Variants in VDR observed in about 807,000 individuals in gnomAD.
VDR encodes the protein vitamin D receptor, also known as vitamin D3 receptor.
A neutral mutation model predicts 39.7 loss-of-function variants in VDR; 19 were observed. That is an observed-to-expected ratio of 0.48 (90% confidence interval 0.33 to 0.70). The LOEUF is 0.70. Ranked by LOEUF, VDR falls within the 30% of genes least tolerant of loss-of-function variation. VDR has a pLI of 0.02. For synonymous variants in VDR, 242 were observed against 215.8 expected (o/e 1.12, Z -1.07); for missense variants, 442 against 570.5 (o/e 0.77, Z 2.29).
chr12:47,856,158 A>G (rs1253427599), intron 6 of VDR, among the ~76,000 whole-genome samples: 2 of 152,234 alleles, frequency 1.3e-5, no homozygotes, highest in Non-Finnish European at 1.5e-5. Context: ...TAGAACATCT[A>G]TAATTTTCAC....
chr12:47,884,778 G>C (rs1946222677), intron 1 of VDR, among the ~76,000 whole-genome samples: 1 of 152,024 alleles, frequency 6.6e-6, no homozygotes, highest in Non-Finnish European at 1.5e-5. Flanking sequence ...AAGAACCTGG[G>C]GATTGTTCTT....
chr12:47,853,820 G>T (rs1314018196), intron 7 of VDR, among the ~76,000 whole-genome samples: 1 of 152,068 alleles, frequency 6.6e-6, no homozygotes, highest in African/African-American at 2.4e-5. Context: ...TACTTGGGAG[G>T]CTGAAGCAGG....
intron 1 of VDR, among the ~76,000 whole-genome samples, chr12:47,883,828 C>G (rs1432373518): frequency 1.3e-5 from 2 of 152,194 alleles, no homozygotes; most frequent in African/African-American, 2.4e-5. Flanking sequence ...GGGCCCGGTC[C>G]TAGAACTGTG....
chr12:47,849,703 C>T (rs912417887), intron 7 of VDR, among the ~76,000 whole-genome samples: 3 of 152,170 alleles, frequency 2.0e-5, no homozygotes, highest in Admixed American at 1.3e-4. Flanking sequence ...AACACCATCC[C>T]CATTTTTGTT....
chr12:47,871,452 TTCTC>T (rs775987466), intron 3 of VDR, among the ~76,000 whole-genome samples: 55 of 145,594 alleles, frequency 3.8e-4, no homozygotes, highest in Middle Eastern at 3.4e-3. Flanking sequence ...CTTCCTTCTT[TTCTC>T]TCTTTCTTTC....
chr12:47,892,468 C>T (rs1213506689), intron 1 of VDR, among the ~76,000 whole-genome samples: 1 of 152,232 alleles, frequency 6.6e-6, no homozygotes, highest in Non-Finnish European at 1.5e-5. Flanking sequence ...AGGCTTCTGG[C>T]CATCCTTCTG....
At chr12:47,856,899 G>T (rs1217672264) in intron 6 of VDR, among the ~76,000 whole-genome samples, 1 of 152,266 alleles carries the variant, frequency 6.6e-6, no homozygotes, top group Non-Finnish European at 1.5e-5. Flanking sequence ...GGAGGCTGAT[G>T]CTACACAGCT....
At chr12:47,871,405 C>A (rs1945874184) in intron 3 of VDR, among the ~76,000 whole-genome samples, 1 of 146,098 alleles carries the variant, frequency 6.8e-6, no homozygotes, top group African/African-American at 2.5e-5. Context: ...CTCTTTCTCT[C>A]TTTCTATCTG....
In VDR at chr12:47,855,702, G is replaced by A. The variant is rs376478613; in HGVS notation, c.683C>T (p.Pro228Leu). ...GTAACTGACCAGGTCAGCCAGGTGG[G>A]GCAGCATGGAGAGCTGGGACAGCTC... ...TLELSQLSML[P>L]HLADLVSYSI... Residue 228 changes from proline (P) to leucine (L), a missense_variant, in exon 7 of 10, where the codon CCC becomes CTC. Pro to Leu is a moderately conservative substitution (Grantham distance 98). Coordinates refer to ENST00000549336, the MANE Select transcript of VDR (RefSeq NM_000376.3). The A allele has an allele frequency of 1.2e-6, 2 of 1,614,040 alleles. No homozygotes were observed. The highest frequency in any genetic ancestry group is 2.7e-5 in the African/African-American group (2 of 74,910).
intron 3 of VDR, among the ~76,000 whole-genome samples, chr12:47,873,346 G>GTTTTTT (rs1945924855): frequency 1.2e-5 from 1 of 80,532 alleles, no homozygotes; most frequent in Non-Finnish European, 2.4e-5. Flanking sequence ...AATTAAACCT[G>GTTTTTT]TTTTCTTTTT....
intron 3 of VDR, among the ~76,000 whole-genome samples, chr12:47,878,258 TC>T (rs1349346963): frequency 6.6e-6 from 1 of 152,188 alleles, no homozygotes; most frequent in Non-Finnish European, 1.5e-5. Flanking sequence ...TTCTCATGAT[TC>T]CCAGTTCCTG....
chr12:47,862,993 G>A (rs1945655801), intron 4 of VDR, among the ~76,000 whole-genome samples: 1 of 152,214 alleles, frequency 6.6e-6, no homozygotes, highest in Non-Finnish European at 1.5e-5. Context: ...AGCTACCTTG[G>A]GCATACAGCA....
rs562245837 is a variant in VDR, at chr12:47,871,895, T to C, written c.147-6718A>G. ...TAGCAGATAAAACCAAGATGCAGAA[T>C]GGTGACGTGTGTGCACACACACATA... On this transcript the variant is annotated intron_variant, in intron 3 of 9. Transcript: ENST00000549336. 3.4e-4 allele frequency among the ~76,000 whole-genome samples: 52 copies of C among 152,362 alleles called. No homozygotes were observed. The South Asian group carries it at 4.8e-3, about 14-fold the overall frequency.
chr12:47,871,817 A>G (rs928467859), intron 3 of VDR, among the ~76,000 whole-genome samples: 2 of 152,240 alleles, frequency 1.3e-5, no homozygotes, highest in African/African-American at 4.8e-5. Context: ...TGTGACTATG[A>G]AAAAGAAAGA....
At chr12:47,900,770 A>T (rs1946543519) in intron 1 of VDR, among the ~76,000 whole-genome samples, 1 of 152,142 alleles carries the variant, frequency 6.6e-6, no homozygotes, top group Non-Finnish European at 1.5e-5. Flanking sequence ...CCAGGTTGTC[A>T]TCAGAAGGCC....
intron 1 of VDR, among the ~76,000 whole-genome samples, chr12:47,904,163 G>T (rs997390684): frequency 6.6e-6 from 1 of 151,904 alleles, no homozygotes; most frequent in Non-Finnish European, 1.5e-5. Context: ...TGGGCTTGGA[G>T]ACCTAAGGCT....
chr12:47,849,330 C>T (rs1234561950), intron 7 of VDR, among the ~76,000 whole-genome samples: 1 of 152,168 alleles, frequency 6.6e-6, no homozygotes, highest in Non-Finnish European at 1.5e-5. Context: ...TGGAGGGCCC[C>T]TCTTAGGAAC....
chr12:47,868,908 A>G (rs966598989), intron 3 of VDR, among the ~76,000 whole-genome samples: 14 of 152,272 alleles, frequency 9.2e-5, no homozygotes, highest in African/African-American at 3.4e-4. Flanking sequence ...AAGACAGCAC[A>G]TCGTCAGCCT....
intron 6 of VDR, 144 bp from the exon 7 acceptor site, chr12:47,855,945 C>T (rs923788693): frequency 3.3e-6 from 3 of 914,460 alleles, no homozygotes; most frequent in African/African-American, 3.3e-5. Flanking sequence ...ACCCTTCAGC[C>T]CCAGGCTTCC....
Sources: allele counts gnomAD v4.1 joint callset (sites outside exome capture counted in the v4.1 genomes callset), GRCh38; gene constraint gnomAD v4.1.1; transcripts MANE v1.5; gene names NCBI Gene and HGNC (gene_info 2026-07-23, HGNC 2026-07-21).